The following ADAMTS17 variants were observed in gnomAD, a reference collection of about 807,000 sequenced individuals.
The protein encoded by ADAMTS17 is ADAM metallopeptidase with thrombospondin type 1 motif 17.
A neutral mutation model predicts 141.5 loss-of-function variants in ADAMTS17; 113 were observed. The ratio of observed to expected loss-of-function variants is 0.80; its 90% CI spans 0.69 to 0.93. The LOEUF (loss-of-function observed/expected upper bound fraction) is 0.93. Ranked by LOEUF, ADAMTS17 falls within the 40% of genes least tolerant of loss-of-function variation. The pLI, the probability that ADAMTS17 is intolerant of heterozygous loss-of-function variation, is 0.00. For synonymous variants in ADAMTS17, 768 were observed against 630.6 expected (o/e 1.22, Z -3.27); for missense variants, 1,659 against 1,517.9 (o/e 1.09, Z -1.54).
At chr15:100,129,127 C>T (rs1330202785) in intron 12 of ADAMTS17, 1 of 152,176 alleles carries the variant, frequency 6.6e-6, no homozygotes, top group Non-Finnish European at 1.5e-5. Flanking sequence ...TTCTGATATC[C>T]TCCTGCTATG....
In ADAMTS17 at chr15:100,300,113, A is replaced by C. The variant is rs59821555; in HGVS notation, c.617-18712T>G. Among the ~76,000 whole-genome samples, 889 of 152,284 alleles carry C rather than the reference A, an allele frequency of 5.8e-3. 8 individuals carry two copies. The highest frequency in any genetic ancestry group is 0.02 in the Middle Eastern group (6 of 294). On this transcript the variant is annotated intron_variant, in intron 3 of 21. Coordinates refer to ENST00000268070, the MANE Select transcript of ADAMTS17 (RefSeq NM_139057.4). ...CTTGGCCCTGTAGGGCTCTGGAGTC[A>C]GGGTTTCTTCCAAATGTGTCAAATA...
chr15:100,110,915 T>A (rs2141111476), intron 13 of ADAMTS17, among the ~76,000 whole-genome samples: 1 of 152,248 alleles, frequency 6.6e-6, no homozygotes, highest in African/African-American at 2.4e-5. Context: ...AAACCACCCC[T>A]GTGTTCAGTC....
At chr15:100,336,102 T>G (rs557974213) in intron 2 of ADAMTS17, among the ~76,000 whole-genome samples, 2 of 152,370 alleles carry the variant, frequency 1.3e-5, no homozygotes, top group South Asian at 4.1e-4. Flanking sequence ...CATCTTTTAC[T>G]TCTTTTTCGT....
intron 2 of ADAMTS17, among the ~76,000 whole-genome samples, chr15:100,336,576 A>C (rs1055673575): frequency 2.0e-5 from 3 of 152,224 alleles, no homozygotes; most frequent in Non-Finnish European, 2.9e-5. Context: ...AGCAATAATA[A>C]GTAATCACTT....
At chr15:100,034,373 T>C (rs1231223585) in intron 18 of ADAMTS17, among the ~76,000 whole-genome samples, 2 of 152,204 alleles carry the variant, frequency 1.3e-5, no homozygotes, top group East Asian at 3.9e-4. Context: ...GGCCGTGCTG[T>C]GGGAGGCAGT....
rs547223262 is a variant in ADAMTS17 at position 100,284,521 on chromosome 15, C to A, written c.617-3120G>T. Among the ~76,000 whole-genome samples the A allele has an allele frequency of 1.3e-4, 20 of 152,282 alleles. No individual in the cohort carries two copies. The East Asian group carries it at 3.9e-3, about 29-fold the overall frequency. ...GGATTTTGGAACTGCAGGCAAGAGA[C>A]CGTGGACTTGCATTCCTTTCCAACG... is the stretch of plus-strand genomic sequence containing the variant. On this transcript the variant is annotated intron_variant, in intron 3 of 21. Coordinates refer to ENST00000268070, the MANE Select transcript of ADAMTS17 (RefSeq NM_139057.4).
chr15:100,222,844 C>T (rs529789194), intron 7 of ADAMTS17, among the ~76,000 whole-genome samples: 8 of 152,290 alleles, frequency 5.3e-5, no homozygotes, highest in East Asian at 3.9e-4. Context: ...TCGAATGCTA[C>T]GGACCAGGCA....
Position 100,023,204 on chromosome 15 carries a change from A to AT in ADAMTS17, c.2592-25616dup, listed in dbSNP as rs201830207. Among the ~76,000 whole-genome samples the AT allele has an allele frequency of 9.7e-3, 1,412 of 146,034 alleles. 17 individuals carry two copies. Among genetic ancestry groups the AT allele is most frequent in the African/African-American group, 0.031 (1,230 of 40,050 alleles). On this transcript the variant is annotated intron_variant, in intron 18 of 21. Coordinates refer to ENST00000268070, the MANE Select transcript of ADAMTS17 (RefSeq NM_139057.4). ...GTTTTTAGGTGAACAAAATAAAAAA[A>AT]TTTTTTTTTTTTTTGAGACGGAGTT...
At chr15:100,037,070 C>G (rs2030793996) in intron 18 of ADAMTS17, among the ~76,000 whole-genome samples, 1 of 152,130 alleles carries the variant, frequency 6.6e-6, no homozygotes, top group African/African-American at 2.4e-5. Flanking sequence ...TGGGTATATA[C>G]ATAGTACTGG....
intron 15 of ADAMTS17, among the ~76,000 whole-genome samples, chr15:100,075,592 AAG>A (rs1171492395): frequency 6.6e-6 from 1 of 152,218 alleles, no homozygotes; most frequent in Non-Finnish European, 1.5e-5. Flanking sequence ...GGATGCTCAA[AAG>A]AGTCTTACCT....
intron 3 of ADAMTS17, among the ~76,000 whole-genome samples, chr15:100,317,642 G>A (rs1329329765): frequency 1.3e-5 from 2 of 152,138 alleles, no homozygotes; most frequent in African/African-American, 2.4e-5. Context: ...CAAATGTTGA[G>A]CATTTTGGGG....
chr15:100,152,654 C>G lies in ADAMTS17; in HGVS notation c.1431G>C (p.Gln477His). ...GMHYSANEQC[Q>H]ILFGMNATFC... ...AGGTGGCATTCATGCCAAACAGGATCTGGCACTGCTCGTTGGCACTGTAGT... is the reference window on the plus strand; with the variant it reads ...AGGTGGCATTCATGCCAAACAGGATGTGGCACTGCTCGTTGGCACTGTAGT... The change falls in exon 10 of 22, where the codon CAG (glutamine) becomes CAC (histidine). Residue 477 changes from glutamine to histidine, a missense_variant. Gln to His is a conservative substitution (Grantham distance 24). Transcript: ENST00000268070. 6.2e-7 allele frequency: 1 copy of G among 1,614,164 alleles called. No homozygotes were observed.
chr15:100,340,422 A>G (rs2046328861), intron 2 of ADAMTS17, among the ~76,000 whole-genome samples: 1 of 152,176 alleles, frequency 6.6e-6, no homozygotes, highest in South Asian at 2.1e-4. Flanking sequence ...GGGGGTGGGC[A>G]CCAGATAAAT....
intron 3 of ADAMTS17, among the ~76,000 whole-genome samples, chr15:100,312,047 T>G (rs971476281): frequency 1.3e-5 from 2 of 152,178 alleles, no homozygotes; most frequent in Non-Finnish European, 2.9e-5. Context: ...CAGAAGGCCA[T>G]GGGCCAGACG....
chr15:100,246,645 A>T (rs1014582689), intron 7 of ADAMTS17, among the ~76,000 whole-genome samples: 3 of 152,238 alleles, frequency 2.0e-5, no homozygotes, highest in Non-Finnish European at 4.4e-5. Flanking sequence ...AGGTAAGGAC[A>T]AAGCCACTTC....
intron 9 of ADAMTS17, among the ~76,000 whole-genome samples, chr15:100,154,434 C>T (rs892315078): frequency 5.3e-5 from 8 of 152,290 alleles, no homozygotes; most frequent in Admixed American, 3.9e-4. Flanking sequence ...TCGTCGGGTA[C>T]TTGAATGTGC....
intron 6 of ADAMTS17, among the ~76,000 whole-genome samples, 197 bp downstream of exon 6, chr15:100,261,282 C>A (rs2043506578): frequency 6.6e-6 from 1 of 152,228 alleles, no homozygotes; most frequent in South Asian, 2.1e-4. Flanking sequence ...GACACAGCTA[C>A]ATGCCCAGGC....
At chr15:100,311,329 C>T (rs1409347649) in intron 3 of ADAMTS17, among the ~76,000 whole-genome samples, 2 of 152,240 alleles carry the variant, frequency 1.3e-5, no homozygotes, top group Non-Finnish European at 2.9e-5. Flanking sequence ...AGCACCGAGG[C>T]CATGCGCTCA....
chr15:100,295,089 C>T (rs1425714934), intron 3 of ADAMTS17, among the ~76,000 whole-genome samples: 1 of 152,176 alleles, frequency 6.6e-6, no homozygotes, highest in East Asian at 1.9e-4. Context: ...GATTACCCTG[C>T]ATGTCCAACT....
Sources: allele counts gnomAD v4.1 joint callset (sites outside exome capture counted in the v4.1 genomes callset), GRCh38; gene constraint gnomAD v4.1.1; transcripts MANE v1.5; gene names NCBI Gene and HGNC (gene_info 2026-07-23, HGNC 2026-07-21).